The following MAD1L1 variants were observed in gnomAD, a reference collection of about 807,000 sequenced individuals.
MAD1L1 encodes mitotic arrest deficient 1 like 1, also known as mitotic spindle assembly checkpoint protein MAD1.
In MAD1L1, 95 loss-of-function variants were observed where a neutral mutation model predicts 96.9. The ratio of observed to expected loss-of-function variants is 0.98; its 90% CI spans 0.83 to 1.16. The LOEUF is 1.16. Ranked by LOEUF, MAD1L1 falls within the 50% of genes most tolerant of loss-of-function variation. The pLI is 0.00. For synonymous variants in MAD1L1, 473 were observed against 396.6 expected (o/e 1.19, Z -2.29); for missense variants, 1,007 against 954.4 (o/e 1.06, Z -0.73).
At chr7:1,837,502 A>T (rs1282867826) in intron 18 of MAD1L1, among the ~76,000 whole-genome samples, 1 of 152,196 alleles carries the variant, frequency 6.6e-6, no homozygotes, top group Non-Finnish European at 1.5e-5. Flanking sequence ...GTGAATGTTC[A>T]CTGTACACTT....
chr7:2,160,447 C>T (rs535491687), intron 10 of MAD1L1, among the ~76,000 whole-genome samples: 1 of 150,504 alleles, frequency 6.6e-6, no homozygotes, highest in Non-Finnish European at 1.5e-5. Flanking sequence ...ATTCTCCTGC[C>T]TCAGACTCCC....
intron 11 of MAD1L1, among the ~76,000 whole-genome samples, chr7:2,095,026 A>AATATATAT (rs57612463): frequency 2.0e-5 from 3 of 150,572 alleles, no homozygotes; most frequent in Admixed American, 6.6e-5. Context: ...TTAAATAGTA[A>AATATATAT]ATATATATAT....
At chr7:2,106,005 C>A (rs111791688) in intron 11 of MAD1L1, among the ~76,000 whole-genome samples, 1 of 115,904 alleles carries the variant, frequency 8.6e-6, no homozygotes, top group Admixed American at 9.4e-5. Flanking sequence ...ATGGCCCCGC[C>A]CCTGCCCCAC....
intron 11 of MAD1L1, among the ~76,000 whole-genome samples, chr7:2,138,524 A>G (rs1788867661): frequency 6.6e-6 from 1 of 152,180 alleles, no homozygotes; most frequent in Non-Finnish European, 1.5e-5. Flanking sequence ...AGAGGTGGGG[A>G]TTGGGGGCAT....
intron 18 of MAD1L1, among the ~76,000 whole-genome samples, chr7:1,885,147 G>A (rs558728910): frequency 6.6e-6 from 1 of 152,278 alleles, no homozygotes; most frequent in Admixed American, 6.5e-5. Flanking sequence ...CAGGGGAAGA[G>A]AAAGGACCTC....
At chr7:2,030,009 G>A (rs1023496925) in intron 12 of MAD1L1, among the ~76,000 whole-genome samples, 1 of 152,206 alleles carries the variant, frequency 6.6e-6, no homozygotes, top group African/African-American at 2.4e-5. Flanking sequence ...GATGCTGGCT[G>A]TCCCCTCCTA....
chr7:2,159,885 G>A (rs1287039814), intron 10 of MAD1L1, among the ~76,000 whole-genome samples: 4 of 152,164 alleles, frequency 2.6e-5, no homozygotes. Context: ...CTATGCTGCC[G>A]TGTGCAGAAA....
In MAD1L1 at chr7:2,079,183, G is replaced by A. The variant is rs144074791; in HGVS notation, c.1074-9845C>T. On this transcript the variant is annotated intron_variant, in intron 11 of 18. Transcript: ENST00000265854. ...CAGTGGCACAGGTGGGCACTTGCAGGTGAAAGAGAGGGGCAAGCCCTCCTC... is the reference window on the plus strand; with the variant it reads ...CAGTGGCACAGGTGGGCACTTGCAGATGAAAGAGAGGGGCAAGCCCTCCTC... 3.8e-3 allele frequency among the ~76,000 whole-genome samples: 578 copies of A among 152,356 alleles called. 6 individuals carry two copies. The highest frequency in any genetic ancestry group is 0.012 in the African/African-American group (495 of 41,584).
chr7:1,983,183 C>G (rs2128485352), intron 14 of MAD1L1, among the ~76,000 whole-genome samples: 1 of 151,288 alleles, frequency 6.6e-6, no homozygotes, highest in African/African-American at 2.4e-5. Context: ...CACACACACA[C>G]ACACAGGCTT....
At chr7:2,165,090 G>GGTT (rs1790359926) in intron 10 of MAD1L1, among the ~76,000 whole-genome samples, 1 of 152,120 alleles carries the variant, frequency 6.6e-6, no homozygotes. Flanking sequence ...TGTCATCCCA[G>GGTT]CTATTCTGGA....
intron 10 of MAD1L1, among the ~76,000 whole-genome samples, chr7:2,172,169 G>C (rs956746663): frequency 6.6e-6 from 1 of 152,208 alleles, no homozygotes; most frequent in African/African-American, 2.4e-5. Context: ...AGTGCTTGGA[G>C]CAGCACCTGG....
intron 10 of MAD1L1, among the ~76,000 whole-genome samples, chr7:2,206,544 G>T (rs1431982661): frequency 6.6e-6 from 1 of 152,218 alleles, no homozygotes; most frequent in East Asian, 1.9e-4. Context: ...TCGGTGAAAA[G>T]ATTCTTTCTC....
At chr7:1,881,235 G>A (rs779292882) in intron 18 of MAD1L1, among the ~76,000 whole-genome samples, 7 of 152,138 alleles carry the variant, frequency 4.6e-5, no homozygotes, top group African/African-American at 1.2e-4. Context: ...GGTTTAAATG[G>A]TCACGCATTT....
chr7:1,887,382 T>A (rs1786127279), intron 18 of MAD1L1, among the ~76,000 whole-genome samples: 1 of 151,208 alleles, frequency 6.6e-6, no homozygotes, highest in Non-Finnish European at 1.5e-5. Context: ...TGTGCATGCG[T>A]GTACATGCAT....
intron 10 of MAD1L1, among the ~76,000 whole-genome samples, chr7:2,170,627 C>A (rs1790662365): frequency 6.6e-6 from 1 of 152,254 alleles, no homozygotes; most frequent in Non-Finnish European, 1.5e-5. Flanking sequence ...TCAGGCAGAT[C>A]CCTCCAAGTG....
chr7:2,042,639 C>T (rs762908761), intron 12 of MAD1L1, among the ~76,000 whole-genome samples: 5 of 152,156 alleles, frequency 3.3e-5, no homozygotes, highest in Non-Finnish European at 5.9e-5. Flanking sequence ...CAGAGCCATC[C>T]CGAGTGAGGA....
At chr7:1,924,864 C>T (rs56187401) in intron 17 of MAD1L1, among the ~76,000 whole-genome samples, 5,166 of 152,082 alleles carry the variant, frequency 0.034, 191 homozygotes, top group Admixed American at 0.099. Context: ...CTGACGTTTC[C>T]ACCTGAAATG....
At chr7:2,056,663 C>T (rs1373317998) in intron 12 of MAD1L1, among the ~76,000 whole-genome samples, 2 of 152,182 alleles carry the variant, frequency 1.3e-5, no homozygotes, top group East Asian at 1.9e-4. Context: ...TCCCACCCAG[C>T]GCCCATTATC....
At chr7:2,006,728 A>G (rs1193969781) in intron 13 of MAD1L1, among the ~76,000 whole-genome samples, 3 of 152,270 alleles carry the variant, frequency 2.0e-5, no homozygotes, top group Middle Eastern at 3.4e-3. Context: ...GCGAGGCAGG[A>G]CATTGGGGTC....
Sources: allele counts gnomAD v4.1 joint callset (sites outside exome capture counted in the v4.1 genomes callset), GRCh38; gene constraint gnomAD v4.1.1; transcripts MANE v1.5; gene names NCBI Gene and HGNC (gene_info 2026-07-23, HGNC 2026-07-21).